Variants in CDH18 observed in about 807,000 individuals in gnomAD.
The protein encoded by CDH18 is cadherin-18.
A neutral mutation model predicts 67.9 loss-of-function variants in CDH18; 31 were observed. That is an observed-to-expected ratio of 0.46 (90% CI 0.34 to 0.62). The LOEUF (loss-of-function observed/expected upper bound fraction) is 0.62, where lower values mean the gene tolerates loss of function less well. Among genes scored for constraint, CDH18 ranks in the 20% least tolerant of loss-of-function variants. The probability of loss-of-function intolerance (pLI) is 0.01; values close to 1 mark genes in which losing one functional copy is unlikely to be tolerated. For missense variants in CDH18, 890 were observed against 975.5 expected, an observed-to-expected ratio of 0.91 and a Z score of 1.17; for synonymous variants, 362 against 347.2, an observed-to-expected ratio of 1.04 and a Z score of -0.48.
intron 2 of CDH18, among the ~76,000 whole-genome samples, chr5:20,171,483 T>C (rs1414632275): frequency 6.6e-6 from 1 of 152,112 alleles, no homozygotes; most frequent in South Asian, 2.1e-4. Context: ...AGATTTTTTT[T>C]TTCATATGCT....
chr5:19,772,750 CTAAG>C (rs1773868078), intron 3 of CDH18, among the ~76,000 whole-genome samples: 1 of 152,188 alleles, frequency 6.6e-6, no homozygotes, highest in Non-Finnish European at 1.5e-5. Context: ...CACAAAGCTG[CTAAG>C]TAATAGAATG....
intron 2 of CDH18, among the ~76,000 whole-genome samples, chr5:20,042,030 C>T (rs1162763822): frequency 6.6e-6 from 1 of 152,178 alleles, no homozygotes; most frequent in Non-Finnish European, 1.5e-5. Context: ...GGGCAGGACA[C>T]CTGCATTTAC....
chr5:19,871,387 A>G (rs1248572432), intron 2 of CDH18, among the ~76,000 whole-genome samples: 1 of 134,938 alleles, frequency 7.4e-6, no homozygotes, highest in Non-Finnish European at 1.7e-5. Flanking sequence ...TAAACTTATC[A>G]CATCTTTTTT....
At chr5:19,606,030 C>T (rs1238300562) in intron 6 of CDH18, among the ~76,000 whole-genome samples, 8 of 152,098 alleles carry the variant, frequency 5.3e-5, no homozygotes. Flanking sequence ...GAGATTTCAG[C>T]AGCCATGAGT....
intron 12 of CDH18, among the ~76,000 whole-genome samples, chr5:19,474,162 T>A (rs1738047494): frequency 6.6e-6 from 1 of 152,200 alleles, no homozygotes; most frequent in African/African-American, 2.4e-5. Context: ...TCTGGAATAT[T>A]GGAAGAAGGA....
At chr5:19,883,439 T>C (rs973899603) in intron 2 of CDH18, among the ~76,000 whole-genome samples, 1 of 82,630 alleles carries the variant, frequency 1.2e-5, no homozygotes, top group East Asian at 3.0e-4. Context: ...GTTTACTACA[T>C]CAACATTTTT....
chr5:20,054,224 G>T (rs1561751852), intron 2 of CDH18, among the ~76,000 whole-genome samples: 1 of 152,080 alleles, frequency 6.6e-6, no homozygotes, highest in Non-Finnish European at 1.5e-5. Flanking sequence ...CATAGCATAT[G>T]TTTAATAAAT....
At chr5:19,735,727 C>T (rs146074833) in intron 4 of CDH18, among the ~76,000 whole-genome samples, 1 of 152,052 alleles carries the variant, frequency 6.6e-6, no homozygotes, top group Admixed American at 6.6e-5. Flanking sequence ...AGAAGTCACA[C>T]CTATACTTCG....
chr5:20,083,761 G>T (rs1744698361), intron 2 of CDH18, among the ~76,000 whole-genome samples: 1 of 152,192 alleles, frequency 6.6e-6, no homozygotes, highest in African/African-American at 2.4e-5. Flanking sequence ...GTCTTACATG[G>T]ATGGCAGCAG....
At chr5:19,484,120 G>T (rs901012083) in intron 11 of CDH18, among the ~76,000 whole-genome samples, 16 of 152,060 alleles carry the variant, frequency 1.1e-4, no homozygotes, top group African/African-American at 3.6e-4. Flanking sequence ...AGTTAATGAT[G>T]AATAAAATAG....
At chr5:19,838,607 C>G in intron 3 of CDH18, 152 bp downstream of exon 3, 2 of 608,894 alleles carry the variant, frequency 3.3e-6, no homozygotes, top group Non-Finnish European at 5.8e-6. Flanking sequence ...ATTTTGAGCT[C>G]TCTAGTATAA....
intron 5 of CDH18, among the ~76,000 whole-genome samples, chr5:19,669,248 T>C (rs1262456690): frequency 6.8e-6 from 1 of 146,262 alleles, no homozygotes; most frequent in Non-Finnish European, 1.5e-5. Context: ...TGATATATAT[T>C]ATATATAAAA....
chr5:20,424,076 G>A (rs2150163718), intron 1 of CDH18, among the ~76,000 whole-genome samples: 1 of 149,526 alleles, frequency 6.7e-6, no homozygotes, highest in Non-Finnish European at 1.5e-5. Flanking sequence ...TACAATTACA[G>A]CAGAAAAAAA....
At chr5:20,077,264 C>T (rs1217636854) in intron 2 of CDH18, among the ~76,000 whole-genome samples, 3 of 152,224 alleles carry the variant, frequency 2.0e-5, no homozygotes, top group African/African-American at 7.2e-5. Context: ...GTTTGTTTTA[C>T]ACTTTTATAA....
chr5:20,318,861 C>T (rs1737713288), intron 1 of CDH18, among the ~76,000 whole-genome samples: 1 of 152,058 alleles, frequency 6.6e-6, no homozygotes, highest in African/African-American at 2.4e-5. Context: ...TAAATTACCC[C>T]ATCTCAGTTA....
intron 10 of CDH18, among the ~76,000 whole-genome samples, chr5:19,511,238 C>T (rs1745070105): frequency 6.6e-6 from 1 of 152,118 alleles, no homozygotes; most frequent in Admixed American, 6.6e-5. Flanking sequence ...TGAGGCTTCC[C>T]TAGCCATGCT....
chr5:19,504,662 A>G (rs1325903469), intron 10 of CDH18, among the ~76,000 whole-genome samples: 1 of 152,066 alleles, frequency 6.6e-6, no homozygotes, highest in Non-Finnish European at 1.5e-5. Context: ...ATAGTCCCTC[A>G]CTTCCTCCAA....
chr5:19,997,299 A>T (rs540580031), intron 2 of CDH18, among the ~76,000 whole-genome samples: 1 of 152,252 alleles, frequency 6.6e-6, no homozygotes, highest in South Asian at 2.1e-4. Flanking sequence ...AGTTCCACAG[A>T]ATATTCTGGA....
chr5:19,742,954 A>C (rs1335977174), intron 4 of CDH18, among the ~76,000 whole-genome samples: 1 of 152,220 alleles, frequency 6.6e-6, no homozygotes, highest in Non-Finnish European at 1.5e-5. Flanking sequence ...TAGTGTTATA[A>C]AAATGATTTT....
Sources: gnomAD v4.1 joint callset for allele counts (sites outside exome capture counted in the v4.1 genomes callset) on GRCh38, gnomAD v4.1.1 for gene constraint, MANE v1.5 for transcripts, NCBI Gene and HGNC (gene_info 2026-07-23, HGNC 2026-07-21) for gene names.